Variants in ARID1B observed in about 807,000 individuals in gnomAD.
ARID1B encodes AT-rich interaction domain 1B, also known as AT-rich interactive domain-containing protein 1B.
A neutral mutation model predicts 212.3 loss-of-function variants in ARID1B; 30 were observed. That is an observed-to-expected ratio of 0.14 (90% CI 0.11 to 0.19). The LOEUF (loss-of-function observed/expected upper bound fraction) is 0.19, where lower values mean the gene tolerates loss of function less well. Among genes scored for constraint, ARID1B ranks in the 10% least tolerant of loss-of-function variants. ARID1B has a pLI of 1.00. For synonymous variants in ARID1B, 1,402 were observed against 1,301.7 expected (o/e 1.08, Z -1.66); for missense variants, 2,891 against 3,204.0 (o/e 0.90, Z 2.36).
chr6:157,157,437 A>C (rs1231463954), intron 8 of ARID1B, among the ~76,000 whole-genome samples: 3 of 152,184 alleles, frequency 2.0e-5, no homozygotes, highest in Admixed American at 2.0e-4. Context: ...AGTGATGCCA[A>C]CCTGCCAGGT....
At chr6:156,794,330 A>G (rs1021560395) in intron 1 of ARID1B, among the ~76,000 whole-genome samples, 3 of 151,942 alleles carry the variant, frequency 2.0e-5, no homozygotes, top group African/African-American at 7.3e-5. Context: ...GCTCACTGCA[A>G]CCTTGAATTC....
intron 4 of ARID1B, among the ~76,000 whole-genome samples, chr6:157,019,808 G>A (rs1326530182): frequency 6.6e-6 from 1 of 152,066 alleles, no homozygotes; most frequent in Non-Finnish European, 1.5e-5. Context: ...CTGCCAGCGG[G>A]TCACCTCCGC....
chr6:157,066,500 A>G (rs1165898874), intron 4 of ARID1B, among the ~76,000 whole-genome samples: 1 of 152,192 alleles, frequency 6.6e-6, no homozygotes, highest in East Asian at 1.9e-4. Context: ...TATCTCAATG[A>G]AGAAAGTTTT....
intron 2 of ARID1B, chr6:156,871,789 C>T (rs1378126372): frequency 2.0e-6 from 2 of 1,019,494 alleles, no homozygotes; most frequent in Non-Finnish European, 3.0e-6. Context: ...AGGGCCCATC[C>T]CTGTGCAGGT....
intron 2 of ARID1B, among the ~76,000 whole-genome samples, chr6:156,893,045 C>CTTTTTTGTTTTTTTTT (rs1554263983): frequency 1.2e-5 from 1 of 85,922 alleles, no homozygotes; most frequent in African/African-American, 4.7e-5. Flanking sequence ...TTTTTTCTTC[C>CTTTTTTGTTTTTTTTT]TTTTTTTTTT....
intron 4 of ARID1B, among the ~76,000 whole-genome samples, chr6:157,003,263 G>A (rs1301798362): frequency 6.6e-6 from 1 of 152,214 alleles, no homozygotes; most frequent in East Asian, 1.9e-4. Flanking sequence ...CCAGACTGGA[G>A]CTAAGGATGC....
At chr6:156,853,126 C>G (rs1784690134) in intron 2 of ARID1B, among the ~76,000 whole-genome samples, 3 of 152,132 alleles carry the variant, frequency 2.0e-5, no homozygotes, top group African/African-American at 7.2e-5. Flanking sequence ...TGCTTAAGGA[C>G]TGGATTAGGA....
intron 4 of ARID1B, among the ~76,000 whole-genome samples, chr6:157,084,143 C>CCA (rs1491409726): frequency 1.3e-4 from 17 of 134,290 alleles, no homozygotes; most frequent in Middle Eastern, 7.3e-3. Flanking sequence ...ACCTCCCCCC[C>CCA]AAAAAAAAAA....
chr6:157,009,990 A>T (rs1779472301), intron 4 of ARID1B, among the ~76,000 whole-genome samples: 1 of 152,182 alleles, frequency 6.6e-6, no homozygotes, highest in Non-Finnish European at 1.5e-5. Context: ...TTATGAAGCA[A>T]TTTTTTAGTA....
rs560887196 is a variant in ARID1B at position 156,907,058 on chromosome 6, A to G, written c.2136+5533A>G. ...AGTCTCAGGTTTTTTAATTAAAATAATACTTTAAAAAATCACTGCCTTCCT... is the reference window on the plus strand; with the variant it reads ...AGTCTCAGGTTTTTTAATTAAAATAGTACTTTAAAAAATCACTGCCTTCCT... On this transcript the variant is annotated intron_variant, in intron 3 of 19. Transcript: ENST00000636930. 2.0e-5 allele frequency among the ~76,000 whole-genome samples: 3 copies of G among 152,294 alleles called. No homozygotes were observed. The East Asian group carries it at 5.8e-4, about 29-fold the overall frequency.
intron 2 of ARID1B, among the ~76,000 whole-genome samples, chr6:156,900,021 A>G (rs1788791520): frequency 6.6e-6 from 1 of 152,242 alleles, no homozygotes; most frequent in Admixed American, 6.5e-5. Context: ...GTTGTATTTT[A>G]TGGAAATTCG....
chr6:156,922,290 A>G (rs1333862721), intron 3 of ARID1B, among the ~76,000 whole-genome samples: 1 of 150,658 alleles, frequency 6.6e-6, no homozygotes, highest in Non-Finnish European at 1.5e-5. Flanking sequence ...CTCCTGTCTC[A>G]GCCTCCCAAG....
At chr6:156,797,275 G>C (rs191486112) in intron 1 of ARID1B, among the ~76,000 whole-genome samples, 1 of 152,136 alleles carries the variant, frequency 6.6e-6, no homozygotes, top group South Asian at 2.1e-4. Flanking sequence ...ACCCACATGG[G>C]GGTGCTGCCG....
chr6:157,062,603 C>T (rs1005044874), intron 4 of ARID1B, among the ~76,000 whole-genome samples: 7 of 151,726 alleles, frequency 4.6e-5, no homozygotes, highest in African/African-American at 1.5e-4. Flanking sequence ...AAACTGATGA[C>T]GGTGGTCCGA....
intron 6 of ARID1B, among the ~76,000 whole-genome samples, chr6:157,112,034 A>C (rs1490559573): frequency 6.6e-6 from 1 of 152,124 alleles, no homozygotes. Context: ...CTAATAGTAC[A>C]ATAATAGGTT....
intron 2 of ARID1B, among the ~76,000 whole-genome samples, chr6:156,859,823 A>G (rs1371561653): frequency 6.6e-6 from 1 of 152,238 alleles, no homozygotes; most frequent in African/African-American, 2.4e-5. Flanking sequence ...GAGAGGGCAC[A>G]GAAAGACTAA....
chr6:156,900,215 T>G (rs1237464134), intron 2 of ARID1B, among the ~76,000 whole-genome samples: 1 of 152,266 alleles, frequency 6.6e-6, no homozygotes, highest in Admixed American at 6.5e-5. Context: ...AATCTCATCC[T>G]CTTTGGTAGA....
In ARID1B at chr6:156,809,533, G is replaced by GAAGC. The variant is rs537428838; in HGVS notation, c.1792-19691_1792-19688dup. Among the ~76,000 whole-genome samples the GAAGC allele has an allele frequency of 1.3e-4, 20 of 152,036 alleles. No individual in the cohort carries two copies. The South Asian group carries it at 3.7e-3, about 28-fold the overall frequency. The stretch of plus-strand genomic sequence containing the variant: ...ACTTAGTAATTATGCATGCTTAAAG[G>GAAGC]AAGCAACTTAATAAACAGGATTTTA... On this transcript the variant is annotated intron_variant, in intron 1 of 19. Transcript: ENST00000636930.
intron 4 of ARID1B, among the ~76,000 whole-genome samples, chr6:156,950,802 G>C (rs1793527677): frequency 6.6e-6 from 1 of 152,106 alleles, no homozygotes; most frequent in Non-Finnish European, 1.5e-5. Context: ...CATTTTTATT[G>C]ACTGTCCTGT....
Sources: gnomAD v4.1 joint callset for allele counts (sites outside exome capture counted in the v4.1 genomes callset) on GRCh38, gnomAD v4.1.1 for gene constraint, MANE v1.5 for transcripts, NCBI Gene and HGNC (gene_info 2026-07-23, HGNC 2026-07-21) for gene names.